CAMTA1: variants seen among roughly 807,000 people sequenced by gnomAD.
The protein encoded by CAMTA1 is calmodulin-binding transcription activator 1.
In CAMTA1, 27 loss-of-function variants were observed where a neutral mutation model predicts 170.9. That is an observed-to-expected ratio of 0.16 (90% CI 0.12 to 0.22). The LOEUF is 0.22. Ranked by LOEUF, CAMTA1 falls within the 10% of genes least tolerant of loss-of-function variation. The probability of loss-of-function intolerance (pLI) is 1.00; values close to 1 mark genes in which losing one functional copy is unlikely to be tolerated. For synonymous variants in CAMTA1, 833 were observed against 891.5 expected (o/e 0.93, Z 1.17); for missense variants, 1,619 against 2,217.2 (o/e 0.73, Z 5.42).
At chr1:7,289,005 C>T (rs1478758023) in intron 5 of CAMTA1, among the ~76,000 whole-genome samples, 3 of 152,120 alleles carry the variant, frequency 2.0e-5, no homozygotes, top group South Asian at 4.1e-4. Context: ...CTGGGGAGGC[C>T]TCAGAAAACT....
rs1429039331 is a variant in CAMTA1, at chr1:7,178,653, A to ACTCT, written c.303-70836_303-70833dup. ...TCTCTGCCTTGTTCCTGCAGAAGGA[A>ACTCT]CTCTCACCCTGAATGGGTAGGGTGG... On this transcript the variant is annotated intron_variant, in intron 4 of 22. Coordinates refer to ENST00000303635, the MANE Select transcript of CAMTA1 (RefSeq NM_015215.4). Among the ~76,000 whole-genome samples, 6 of 151,860 alleles carry ACTCT rather than the reference A, an allele frequency of 4.0e-5. No homozygotes were observed. In the East Asian group the frequency reaches 1.2e-3, roughly 30 times the overall value.
In CAMTA1 at chr1:7,642,981, TG is replaced by T. The variant is rs2095776695; in HGVS notation, c.664+2429del. Among the ~76,000 whole-genome samples the T allele has an allele frequency of 6.7e-6, 1 of 149,890 alleles. No homozygotes were observed. The highest frequency in any genetic ancestry group is 2.5e-5 in the African/African-American group (1 of 39,342). On this transcript the variant is annotated intron_variant, in intron 7 of 22. Coordinates refer to ENST00000303635, the MANE Select transcript of CAMTA1 (RefSeq NM_015215.4). This position sits in a 1 kb window ranked among gnomAD's most constrained non-coding sequence, Gnocchi z 6.3. The stretch of plus-strand genomic sequence containing the variant: ...TCCTGCAGAAGCTGCCATGGCTGAG[TG>T]CACTCCAGGCCTGCAGGAAGTAGCC...
intron 3 of CAMTA1, among the ~76,000 whole-genome samples, chr1:7,052,224 G>C (rs181772384): frequency 1.6e-4 from 24 of 152,074 alleles, no homozygotes; most frequent in African/African-American, 5.5e-4. Flanking sequence ...TTTGCTCCCT[G>C]ATGGTCGCTG....
At chr1:6,932,638 A>G (rs1188725233) in intron 3 of CAMTA1, among the ~76,000 whole-genome samples, 2 of 152,174 alleles carry the variant, frequency 1.3e-5, no homozygotes, top group African/African-American at 4.8e-5. Context: ...CAGTTTCTCT[A>G]CATCCGCGCC....
chr1:7,270,011 G>A (rs542553960), intron 5 of CAMTA1, among the ~76,000 whole-genome samples: 1 of 152,080 alleles, frequency 6.6e-6, no homozygotes, highest in Non-Finnish European at 1.5e-5. Flanking sequence ...TACAAACATT[G>A]CAAGCTGGAA....
intron 3 of CAMTA1, among the ~76,000 whole-genome samples, chr1:6,994,171 T>C (rs189788107): frequency 5.1e-4 from 78 of 152,272 alleles, no homozygotes; most frequent in Middle Eastern, 3.4e-3. Flanking sequence ...ATAAGCCCCA[T>C]AGTGTATTTT....
rs767824479 is a variant in CAMTA1, at chr1:7,635,608, CAAAAAAA to C, written c.511-4779_511-4773del. Among the ~76,000 whole-genome samples the C allele has an allele frequency of 1.1e-5, 1 of 90,222 alleles. No homozygotes were observed. Among genetic ancestry groups the C allele is most frequent in the Non-Finnish European group, 2.5e-5 (1 of 39,874 alleles). The allele number at this position is 90,222 out of a possible 152,430, so 59.2% of individuals were successfully genotyped here. On this transcript the variant is annotated intron_variant, in intron 6 of 22. Transcript: ENST00000303635. This position sits in a 1 kb window ranked among gnomAD's most constrained non-coding sequence, Gnocchi z 4.4. ...TGGGGGACAGAGCAAGACTCCGTCT[CAAAAAAA>C]AAAAAAAAAAAATACAGGGCCCTGG...
intron 5 of CAMTA1, among the ~76,000 whole-genome samples, chr1:7,429,407 T>C (rs1415706069): frequency 1.3e-5 from 2 of 152,126 alleles, no homozygotes; most frequent in Non-Finnish European, 2.9e-5. Flanking sequence ...ACTATGGTGA[T>C]CATGATGGTG....
At chr1:7,232,630 G>A (rs1039078428) in intron 4 of CAMTA1, among the ~76,000 whole-genome samples, 7 of 152,278 alleles carry the variant, frequency 4.6e-5, no homozygotes, top group African/African-American at 9.6e-5. Context: ...GGCCAGGCAC[G>A]TAGGGAGCCT....
intron 3 of CAMTA1, among the ~76,000 whole-genome samples, chr1:6,908,205 C>T (rs1678960426): frequency 6.6e-6 from 1 of 152,230 alleles, no homozygotes; most frequent in Non-Finnish European, 1.5e-5. Flanking sequence ...TGCTATCCGT[C>T]ATCATCCCAC....
rs74051092 is a variant in CAMTA1 at position 7,041,878 on chromosome 1, C to T, written c.235-49426C>T. Reference sequence around the variant, plus strand: ...TTTGGGGATTTGACTGAAGCCTCCACACTATGGACAGACCAAGTGGTGGCA... The same window carrying T: ...TTTGGGGATTTGACTGAAGCCTCCATACTATGGACAGACCAAGTGGTGGCA... On this transcript the variant is annotated intron_variant, in intron 3 of 22. Coordinates refer to ENST00000303635, the MANE Select transcript of CAMTA1 (RefSeq NM_015215.4). This position sits in a 1 kb window ranked among gnomAD's most constrained non-coding sequence, Gnocchi z 5.1. Among the ~76,000 whole-genome samples the T allele has an allele frequency of 0.027, 4,171 of 152,300 alleles. 205 individuals carry two copies. Among genetic ancestry groups the T allele is most frequent in the African/African-American group, 0.094 (3,895 of 41,540 alleles).
chr1:7,445,430 C>T (rs890243622), intron 5 of CAMTA1, among the ~76,000 whole-genome samples: 3 of 151,962 alleles, frequency 2.0e-5, no homozygotes, highest in Non-Finnish European at 2.9e-5. Context: ...GCTGGTCAGC[C>T]GGGGGATGCC....
At chr1:6,899,129 G>A (rs1317262953) in intron 3 of CAMTA1, among the ~76,000 whole-genome samples, 1 of 152,152 alleles carries the variant, frequency 6.6e-6, no homozygotes, top group East Asian at 1.9e-4. Flanking sequence ...TGCCCAGTCT[G>A]TTTCCCCATC....
At chr1:7,332,351 A>G (rs1359468854) in intron 5 of CAMTA1, among the ~76,000 whole-genome samples, 1 of 152,242 alleles carries the variant, frequency 6.6e-6, no homozygotes, top group Non-Finnish European at 1.5e-5. Flanking sequence ...AAATGGCCAC[A>G]TTTAATACTT....
At chr1:7,675,589 C>A (rs866943112) in intron 10 of CAMTA1, among the ~76,000 whole-genome samples, 1 of 152,296 alleles carries the variant, frequency 6.6e-6, no homozygotes, top group South Asian at 2.1e-4. Context: ...GGGTGCTGGG[C>A]TGTGGCCCCC....
chr1:7,465,297 C>T (rs1350790566), intron 5 of CAMTA1, among the ~76,000 whole-genome samples: 1 of 152,158 alleles, frequency 6.6e-6, no homozygotes, highest in African/African-American at 2.4e-5. Context: ...TGGGGTAGCC[C>T]AGTGTGCTGA....
intron 3 of CAMTA1, among the ~76,000 whole-genome samples, chr1:6,895,078 T>A (rs891944094): frequency 6.6e-6 from 1 of 152,170 alleles, no homozygotes; most frequent in South Asian, 2.1e-4. Context: ...ACCTTTCATT[T>A]TGGAGCATGA....
At chr1:6,953,405 G>C (rs564298060) in intron 3 of CAMTA1, among the ~76,000 whole-genome samples, 1 of 152,242 alleles carries the variant, frequency 6.6e-6, no homozygotes, top group Non-Finnish European at 1.5e-5. Flanking sequence ...TTCTCGCCGC[G>C]TGAGTCCCCT....
At chr1:7,107,237 G>A (rs1015447969) in intron 4 of CAMTA1, among the ~76,000 whole-genome samples, 1 of 150,784 alleles carries the variant, frequency 6.6e-6, no homozygotes, top group Non-Finnish European at 1.5e-5. Context: ...GACGGCACAC[G>A]CAGGAGAGCC....
Sources: allele counts gnomAD v4.1 joint callset (sites outside exome capture counted in the v4.1 genomes callset), GRCh38; gene constraint gnomAD v4.1.1; non-coding constraint Gnocchi (gnomAD v3.1); transcripts MANE v1.5; gene names NCBI Gene and HGNC (gene_info 2026-07-23, HGNC 2026-07-21).